Variants in CASK observed in about 807,000 individuals in gnomAD.
CASK encodes the protein calcium/calmodulin dependent serine protein kinase, also known as peripheral plasma membrane protein CASK.
In CASK, 4 loss-of-function variants were observed where a neutral mutation model predicts 82.9. The ratio of observed to expected loss-of-function variants is 0.05; its 90% CI spans 0.02 to 0.11. The LOEUF (loss-of-function observed/expected upper bound fraction) is 0.11, where lower values mean the gene tolerates loss of function less well. Ranked by LOEUF, CASK falls within the 10% of genes least tolerant of loss-of-function variation. CASK has a pLI of 1.00. For missense variants in CASK, 358 were observed against 720.9 expected (o/e 0.50, Z 5.76); for synonymous variants, 259 against 253.5 (o/e 1.02, Z -0.20).
At chrX:41,641,322 G>A (rs2066649062) in intron 8 of CASK, among the ~76,000 whole-genome samples, 2 of 111,776 alleles carry the variant, frequency 1.8e-5, no homozygotes, top group East Asian at 2.8e-4. Flanking sequence ...AGTCCCTTGT[G>A]CACATGAGAT....
chrX:41,573,345 G>T lies in CASK; in HGVS notation c.1504-3599C>A, dbSNP rs189468139. ...TGCTTGGGGTTTGCCATGGTGTTTG[G>T]ATCTGTGGGTTTATAGTTTTCATCA... On this transcript the variant is annotated intron_variant, in intron 15 of 26. Transcript: ENST00000378163. Among the ~76,000 whole-genome samples, 9 of 108,941 alleles carry T rather than the reference G, an allele frequency of 8.3e-5. No individual in the cohort carries two copies. The East Asian group carries it at 2.6e-3, about 31-fold the overall frequency. 94.6% of individuals were successfully genotyped at this position (108,941 alleles called of 115,157 possible).
At chrX:41,889,160 GA>G (rs572920522) in intron 1 of CASK, among the ~76,000 whole-genome samples, 1,567 of 94,330 alleles carry the variant, frequency 0.017, 11 homozygotes, top group Middle Eastern at 0.037. Context: ...TGCTATCCTG[GA>G]AAAAAAAAAA....
chrX:41,676,120 G>A (rs2067260678), intron 5 of CASK: 2 of 1,144,420 alleles, frequency 1.7e-6, no homozygotes, highest in Non-Finnish European at 2.4e-6. Context: ...AGTAATGGTA[G>A]TAATCTCCTT....
At chrX:41,892,468 G>A (rs1374213917) in intron 1 of CASK, among the ~76,000 whole-genome samples, 1 of 110,134 alleles carries the variant, frequency 9.1e-6, no homozygotes, top group Non-Finnish European at 1.9e-5. Flanking sequence ...GCATAGCTGG[G>A]ACTACAGGCA....
At chrX:41,864,625 T>C (rs1389965014) in intron 1 of CASK, among the ~76,000 whole-genome samples, 2 of 112,213 alleles carry the variant, frequency 1.8e-5, no homozygotes, top group East Asian at 5.5e-4. Context: ...CTGTAAGAAA[T>C]ATTCCCTACC....
rs996477954 is a variant in CASK at position 41,517,548 on chromosome X, C to T, written c.*2872G>A. The stretch of plus-strand genomic sequence containing the variant: ...AAGAATTCAACATATAAAAACACTC[C>T]CTTTCTTGCTGTGGGGAATGGAGTT... On this transcript the variant is annotated 3_prime_UTR_variant, in exon 27 of 27. Transcript: ENST00000378163. The T allele has an allele frequency of 3.1e-5, 10 of 323,887 alleles. 1 individual carries two copies. Among genetic ancestry groups the T allele is most frequent in the Non-Finnish European group, 5.4e-5 (10 of 185,406 alleles). The allele number at this position is 323,887 out of a possible 1,213,427, so 26.7% of individuals were successfully genotyped here.
intron 9 of CASK, among the ~76,000 whole-genome samples, chrX:41,628,732 C>T (rs752106327): frequency 1.9e-4 from 21 of 112,191 alleles, no homozygotes; most frequent in Non-Finnish European, 3.4e-4. Flanking sequence ...TCTAAAGTTA[C>T]GCATGAAAGG....
At chrX:41,894,869 A>G (rs762993622) in intron 1 of CASK, among the ~76,000 whole-genome samples, 1 of 112,555 alleles carries the variant, frequency 8.9e-6, no homozygotes, top group East Asian at 2.8e-4. Context: ...CAAGGTTTCT[A>G]GCAGTACTGA....
At chrX:41,703,174 C>T (rs1206846799) in intron 5 of CASK, among the ~76,000 whole-genome samples, 1 of 112,156 alleles carries the variant, frequency 8.9e-6, no homozygotes, top group Non-Finnish European at 1.9e-5. Context: ...AGTTATAAAA[C>T]GTTTCAAACA....
Position 41,569,751 on chromosome X carries a change from T to TA in CASK, c.1504-6dup, listed in dbSNP as rs749321162. 3.3e-3 allele frequency: 3,229 copies of TA among 976,828 alleles called. No individual in the cohort carries two copies. Among genetic ancestry groups the TA allele is most frequent in the Middle Eastern group, 3.8e-3 (14 of 3,640 alleles). The allele number at this position is 976,828 out of a possible 1,213,427, so 80.5% of individuals were successfully genotyped here. A position where few individuals can be genotyped will look rare whatever the true frequency, so the allele number is the denominator to read the frequency against. On this transcript the variant is annotated splice_polypyrimidine_tract_variant and splice_region_variant and intron_variant, in intron 15 of 26. Coordinates refer to ENST00000378163, the MANE Select transcript of CASK (RefSeq NM_001367721.1). ...ATTCATTTTTAAAGTGATTCCCTGT[T>TA]AAAAAAAAAATAAAAAGTTCAGCAA...
At chrX:41,665,536 A>T (rs200409846) in intron 6 of CASK, 84 bp from the exon 7 acceptor site, 14 of 342,659 alleles carry the variant, frequency 4.1e-5, no homozygotes, top group Non-Finnish European at 5.6e-5. Context: ...AACAATAACA[A>T]TCCAAATAAA....
chrX:41,678,461 TA>T (rs2067303241), intron 5 of CASK, among the ~76,000 whole-genome samples: 1 of 112,415 alleles, frequency 8.9e-6, no homozygotes, highest in Non-Finnish European at 1.9e-5. Context: ...TAGTTAGATC[TA>T]GAATCTTGAT....
At chrX:41,532,023 C>T (rs1199720665) in intron 24 of CASK, among the ~76,000 whole-genome samples, 1 of 112,004 alleles carries the variant, frequency 8.9e-6, no homozygotes, top group African/African-American at 3.2e-5. Context: ...CAACTTCCAC[C>T]TCCTGGGTTC....
intron 5 of CASK, among the ~76,000 whole-genome samples, chrX:41,708,621 C>T (rs1288969154): frequency 4.5e-5 from 5 of 112,225 alleles, no homozygotes; most frequent in Non-Finnish European, 9.4e-5. Context: ...AAGTGGTTTT[C>T]AGCTACTAAA....
intron 2 of CASK, among the ~76,000 whole-genome samples, chrX:41,840,611 G>C (rs1403802478): frequency 8.9e-6 from 1 of 112,027 alleles, no homozygotes; most frequent in Non-Finnish European, 1.9e-5. Flanking sequence ...GTTTCTGGTA[G>C]GATGTTGAAC....
intron 3 of CASK, among the ~76,000 whole-genome samples, chrX:41,767,810 C>T (rs1268626899): frequency 2.7e-5 from 3 of 111,138 alleles, no homozygotes; most frequent in Admixed American, 1.9e-4. Flanking sequence ...TATCAAGGAG[C>T]GGATGATATA....
rs778142786 is a variant in CASK, at chrX:41,524,868, C to T, written c.2521-834G>A. On this transcript the variant is annotated intron_variant, in intron 25 of 26. Transcript: ENST00000378163. ...ACAAACTCCCTTCCAAGGAACAAAACCCAACACATACAGGTACCCAATTCA... is the reference window on the plus strand; with the variant it reads ...ACAAACTCCCTTCCAAGGAACAAAATCCAACACATACAGGTACCCAATTCA... 9.3e-4 allele frequency among the ~76,000 whole-genome samples: 104 copies of T among 111,415 alleles called. 1 individual carries two copies. Among genetic ancestry groups the T allele is most frequent in the Admixed American group, 4.3e-3 (45 of 10,486 alleles).
intron 21 of CASK, among the ~76,000 whole-genome samples, chrX:41,546,166 G>C (rs1017777804): frequency 1.8e-5 from 2 of 111,262 alleles, no homozygotes; most frequent in Admixed American, 1.9e-4. Context: ...GTAGAGATGG[G>C]GATTTGCCAT....
At chrX:41,919,946 T>C (rs2072756189) in intron 1 of CASK, among the ~76,000 whole-genome samples, 1 of 112,021 alleles carries the variant, frequency 8.9e-6, no homozygotes. Context: ...TCATTAACTC[T>C]GTAAGTTATC....
Sources: gnomAD v4.1 joint callset for allele counts (sites outside exome capture counted in the v4.1 genomes callset) on GRCh38, gnomAD v4.1.1 for gene constraint, MANE v1.5 for transcripts, NCBI Gene and HGNC (gene_info 2026-07-23, HGNC 2026-07-21) for gene names.